ABCF2: variants seen among roughly 807,000 people sequenced by gnomAD.
ABCF2 encodes the protein ATP-binding cassette sub-family F member 2.
Under a neutral mutation model 76.9 loss-of-function variants are expected in ABCF2, and 37 were observed. That is an observed-to-expected ratio of 0.48 (90% CI 0.37 to 0.63). ABCF2 has a LOEUF of 0.63. Among genes scored for constraint, ABCF2 ranks in the 30% least tolerant of loss-of-function variants. The pLI, the probability that ABCF2 is intolerant of heterozygous loss-of-function variation, is 0.00. For missense variants in ABCF2, 524 were observed against 782.1 expected, an observed-to-expected ratio of 0.67 and a Z score of 3.94; for synonymous variants, 299 against 283.7, an observed-to-expected ratio of 1.05 and a Z score of -0.54.
In ABCF2 at chr7:151,212,451, C is replaced by T. The variant is rs1240685727; in HGVS notation, c.*1603G>A. On this transcript the variant is annotated 3_prime_UTR_variant, in exon 15 of 15. Transcript: ENST00000287844. ...AACTCCTGGCCATCTCTGCACCTCT[C>T]TCATTCTACCAAATGCGATTAATCA... is the stretch of plus-strand genomic sequence containing the variant. 1.3e-5 allele frequency: 13 copies of T among 985,372 alleles called. No homozygotes were observed. The highest frequency in any genetic ancestry group is 1.4e-5 in the Non-Finnish European group (12 of 829,944). The allele number at this position is 985,372 out of a possible 1,614,324, so 61.0% of individuals were successfully genotyped here. A position where few individuals can be genotyped will look rare whatever the true frequency, so the allele number is the denominator to read the frequency against.
At chr7:151,221,807 G>A (rs2150575306) in intron 6 of ABCF2, 127 bp from the exon 7 acceptor site, 3 of 703,072 alleles carry the variant, frequency 4.3e-6, no homozygotes, top group Non-Finnish European at 7.6e-6. Context: ...ATTCCTGGCT[G>A]TTAGCAAGCA....
Position 151,222,977 on chromosome 7 carries a change from G to A in ABCF2, c.723-361C>T, listed in dbSNP as rs78711313. On this transcript the variant is annotated intron_variant, in intron 5 of 14. Coordinates refer to ENST00000287844, the MANE Select transcript of ABCF2 (RefSeq NM_007189.3). ...AATTAGACCTATCTGAAGGTCTGAA[G>A]ATAGACCTATCTTGTGGGGTGGCCA... Among the ~76,000 whole-genome samples the A allele has an allele frequency of 8.6e-3, 1,310 of 152,316 alleles. 28 individuals carry two copies. Among genetic ancestry groups the A allele is most frequent in the African/African-American group, 0.03 (1,239 of 41,570 alleles).
chr7:151,213,995 T>A lies in ABCF2; in HGVS notation c.*59A>T. ...CCAGGGTCCTGTCCTGAGCGGCTGGTCAGGTTAGCAGCTGTTAGTTCCCAG... is the reference window on the plus strand; with the variant it reads ...CCAGGGTCCTGTCCTGAGCGGCTGGACAGGTTAGCAGCTGTTAGTTCCCAG... On this transcript the variant is annotated 3_prime_UTR_variant, in exon 15 of 15. Coordinates refer to ENST00000287844, the MANE Select transcript of ABCF2 (RefSeq NM_007189.3). The A allele has an allele frequency of 1.3e-6, 2 of 1,595,552 alleles. No individual in the cohort carries two copies. The highest frequency in any genetic ancestry group is 1.7e-6 in the Non-Finnish European group (2 of 1,172,982).
At position 151,214,349 on chromosome 7, in the gene ABCF2, C is replaced by T. The variant is rs1802108017; in HGVS notation, c.1735-158G>A. Among the ~76,000 whole-genome samples, 1 of 152,148 alleles carries T rather than the reference C, an allele frequency of 6.6e-6. No homozygotes were observed. Among genetic ancestry groups the T allele is most frequent in the Admixed American group, 6.5e-5 (1 of 15,280 alleles). ...TCTAAGTTATTTGGGATGTTCTAACCCAAGGGTACCATCATCAGGTTTGGA... is the reference window on the plus strand; with the variant it reads ...TCTAAGTTATTTGGGATGTTCTAACTCAAGGGTACCATCATCAGGTTTGGA... On this transcript the variant is annotated intron_variant, in intron 14 of 14. Transcript: ENST00000287844. The surrounding 1 kb of genome is among the most constrained non-coding windows in gnomAD (Gnocchi z 4.9).
chr7:151,217,760 C>G (rs1802180479), intron 11 of ABCF2, among the ~76,000 whole-genome samples: 1 of 151,410 alleles, frequency 6.6e-6, no homozygotes, highest in African/African-American at 2.4e-5. Flanking sequence ...ACATTGCACT[C>G]CAGCCTGGGC....
chr7:151,212,120 GGT>G lies in ABCF2; in HGVS notation c.*1932_*1933del. The G allele has an allele frequency of 1.0e-6, 1 of 984,648 alleles. No homozygotes were observed. The highest frequency in any genetic ancestry group is 1.2e-6 in the Non-Finnish European group (1 of 829,222). The allele number at this position is 984,648 out of a possible 1,614,324, so 61.0% of individuals were successfully genotyped here. A position where few individuals can be genotyped will look rare whatever the true frequency, so the allele number is the denominator to read the frequency against. On this transcript the variant is annotated 3_prime_UTR_variant, in exon 15 of 15. Transcript: ENST00000287844. Reference sequence around the variant, plus strand: ...CCAAGAAGATCATGAGCTCCTAAGGGGTTTAAGCACCATCTGGGACAGTTGCT... The same window carrying G: ...CCAAGAAGATCATGAGCTCCTAAGGGTTAAGCACCATCTGGGACAGTTGCT...
intron 7 of ABCF2, 115 bp from the exon 8 acceptor site, chr7:151,219,274 G>C (rs143666129): frequency 1.2e-6 from 1 of 850,150 alleles, no homozygotes; most frequent in East Asian, 2.4e-5. Flanking sequence ...TGGCTCTAAG[G>C]CTGTGCAGTA....
At position 151,218,156 on chromosome 7, in the gene ABCF2, G is replaced by A. The variant is rs1802189759; in HGVS notation, c.1263C>T (p.Asp421=). 3 of 1,613,964 alleles carry A rather than the reference G, an allele frequency of 1.9e-6. No individual in the cohort carries two copies. The highest frequency in any genetic ancestry group is 1.1e-5 in the South Asian group (1 of 91,088). ...CTACCAGAGCCACTCGTGTGTCAAG[G>A]TCAATTCCAAATTCTAGATTATTGT... is the stretch of plus-strand genomic sequence containing the variant. The part of the protein sequence containing the change: ...CIYNNLEFGI[D]LDTRVALVGP... Residue 421 remains aspartate, a synonymous_variant, in exon 11 of 15, where the codon GAC becomes GAT. Coordinates refer to ENST00000287844, the MANE Select transcript of ABCF2 (RefSeq NM_007189.3).
intron 2 of ABCF2, 50 bp downstream of exon 2, chr7:151,226,255 A>T (rs776720505): frequency 3.2e-6 from 5 of 1,575,268 alleles, no homozygotes; most frequent in Non-Finnish European, 2.6e-6. Context: ...TGGCTGGGGC[A>T]TGCATTAAGT....
Position 151,212,358 on chromosome 7 carries a change from G to C in ABCF2, c.*1696C>G. 4 of 985,426 alleles carry C rather than the reference G, an allele frequency of 4.1e-6. No homozygotes were observed. The highest frequency in any genetic ancestry group is 4.8e-6 in the Non-Finnish European group (4 of 829,936). The allele number at this position is 985,426 out of a possible 1,614,324, so 61.0% of individuals were successfully genotyped here. On this transcript the variant is annotated 3_prime_UTR_variant, in exon 15 of 15. Transcript: ENST00000287844. The stretch of plus-strand genomic sequence containing the variant: ...GTGATGATAACTATGGCTGTGGACA[G>C]GTAAAAATACAAAATTTCCTGTATC...
chr7:151,220,690 C>G (rs1158523076), intron 7 of ABCF2, among the ~76,000 whole-genome samples: 1 of 152,032 alleles, frequency 6.6e-6, no homozygotes. Flanking sequence ...AGAAGGCATT[C>G]AAGAAGGCAG....
In ABCF2 at chr7:151,212,360, TAA is replaced by T. The variant is rs1278948247; in HGVS notation, c.*1692_*1693del. ...GATGATAACTATGGCTGTGGACAGG[TAA>T]AAATACAAAATTTCCTGTATCCCAA... On this transcript the variant is annotated 3_prime_UTR_variant, in exon 15 of 15. Coordinates refer to ENST00000287844, the MANE Select transcript of ABCF2 (RefSeq NM_007189.3). The T allele has an allele frequency of 3.0e-6, 3 of 985,332 alleles. No individual in the cohort carries two copies. Among genetic ancestry groups the T allele is most frequent in the Admixed American group, 1.2e-4 (2 of 16,268 alleles). 61.0% of individuals were successfully genotyped at this position (985,332 alleles called of 1,614,324 possible).
At chr7:151,217,913 A>C (rs1014565109) in intron 11 of ABCF2, among the ~76,000 whole-genome samples, 168 bp downstream of exon 11, 1 of 152,042 alleles carries the variant, frequency 6.6e-6, no homozygotes, top group African/African-American at 2.4e-5. Flanking sequence ...AGCACTGTCC[A>C]ACCAGACATT....
In ABCF2 at chr7:151,211,661, C is replaced by T. The variant is rs1389577697; in HGVS notation, c.*2393G>A. 1 of 985,292 alleles carries T rather than the reference C, an allele frequency of 1.0e-6. No homozygotes were observed. Among genetic ancestry groups the T allele is most frequent in the African/African-American group, 1.7e-5 (1 of 57,200 alleles). The allele number at this position is 985,292 out of a possible 1,614,324, so 61.0% of individuals were successfully genotyped here. A position where few individuals can be genotyped will look rare whatever the true frequency, so the allele number is the denominator to read the frequency against. On this transcript the variant is annotated 3_prime_UTR_variant, in exon 15 of 15. Coordinates refer to ENST00000287844, the MANE Select transcript of ABCF2 (RefSeq NM_007189.3). ...AGACTACCTGAATTCTTAGCAATAT[C>T]CAGCACTTCCTTAAGTATCAAGGGC...
At position 151,218,599 on chromosome 7, in the gene ABCF2, T is replaced by C; in HGVS notation, c.1189A>G (p.Met397Val). Reference sequence around the variant, plus strand: ...TACTTGAAGCTCACATTTTGCACCATAATGACAGGTGGAGGGATCTTGCCA... The same window carrying C: ...TACTTGAAGCTCACATTTTGCACCACAATGACAGGTGGAGGGATCTTGCCA... Reference protein sequence around the residue: ...PCGKIPPPVIMVQNVSFKYTK... With the variant: ...PCGKIPPPVIVVQNVSFKYTK... Residue 397 changes from methionine to valine, a missense_variant, in exon 10 of 15, where the codon ATG becomes GTG. Transcript: ENST00000287844. 6.2e-7 allele frequency: 1 copy of C among 1,614,094 alleles called. No homozygotes were observed. The highest frequency in any genetic ancestry group is 8.5e-7 in the Non-Finnish European group (1 of 1,180,010).
chr7:151,216,151 C>T (rs1296437388), intron 11 of ABCF2, 122 bp from the exon 12 acceptor site: 2 of 803,790 alleles, frequency 2.5e-6, no homozygotes, highest in South Asian at 1.5e-5. Context: ...AAAAAGAATA[C>T]ATCACCAACT....
chr7:151,218,289 GAGGA>G, intron 10 of ABCF2, 98 bp from the exon 11 acceptor site: 1 of 885,180 alleles, frequency 1.1e-6, no homozygotes, highest in Non-Finnish European at 1.8e-6. Flanking sequence ...ACCAAGAGAG[GAGGA>G]AGGGAGAGTA....
Position 151,213,018 on chromosome 7 carries a change from C to T in ABCF2, c.*1036G>A. On this transcript the variant is annotated 3_prime_UTR_variant, in exon 15 of 15. Coordinates refer to ENST00000287844, the MANE Select transcript of ABCF2 (RefSeq NM_007189.3). ...AGCTCAAGTGATCCACCTGCCTCAG[C>T]CTCCCAAAGCGCTGGGATTACAGGT... The T allele has an allele frequency of 1.0e-6, 1 of 963,038 alleles. No homozygotes were observed. The highest frequency in any genetic ancestry group is 1.2e-6 in the Non-Finnish European group (1 of 809,576). The allele number at this position is 963,038 out of a possible 1,614,324, so 59.7% of individuals were successfully genotyped here.
chr7:151,225,325 T>G (rs1188782862), intron 2 of ABCF2, among the ~76,000 whole-genome samples: 1 of 152,054 alleles, frequency 6.6e-6, no homozygotes, highest in African/African-American at 2.4e-5. Flanking sequence ...GCAGACTAAT[T>G]CTCCTTTCCT....
Sources: allele counts gnomAD v4.1 joint callset (sites outside exome capture counted in the v4.1 genomes callset), GRCh38; gene constraint gnomAD v4.1.1; non-coding constraint Gnocchi (gnomAD v3.1); transcripts MANE v1.5; gene names NCBI Gene and HGNC (gene_info 2026-07-23, HGNC 2026-07-21).